The following TRDN variants were observed in gnomAD, a reference collection of about 807,000 sequenced individuals.
TRDN encodes triadin.
Under a neutral mutation model 149.7 loss-of-function variants are expected in TRDN, and 161 were observed. The observed-to-expected ratio is 1.08, with a 90% confidence interval of 0.95 to 1.23. The LOEUF (loss-of-function observed/expected upper bound fraction) is 1.23, where lower values mean the gene tolerates loss of function less well. Ranked by LOEUF, TRDN falls within the 50% of genes most tolerant of loss-of-function variation. The pLI is 0.00. For missense variants in TRDN, 896 were observed against 823.5 expected, an observed-to-expected ratio of 1.09 and a Z score of -1.08; for synonymous variants, 294 against 250.5, an observed-to-expected ratio of 1.17 and a Z score of -1.64.
intron 1 of TRDN, among the ~76,000 whole-genome samples, chr6:123,590,135 TCA>T (rs988238198): frequency 5.9e-5 from 9 of 152,116 alleles, no homozygotes; most frequent in African/African-American, 2.2e-4. Context: ...AGGAACCAGG[TCA>T]CACAGCAGGA....
At chr6:123,386,928 A>C (rs1192889534) in intron 14 of TRDN, among the ~76,000 whole-genome samples, 2 of 152,168 alleles carry the variant, frequency 1.3e-5, no homozygotes, top group Non-Finnish European at 2.9e-5. Flanking sequence ...TACTGTTGGA[A>C]TTGTTTAGGC....
chr6:123,352,525 T>G lies in TRDN; in HGVS notation c.1369+14A>C. ...CTAAAGAAGATAATGTCAACCTCCT[T>G]CATTTTTTTTTACCTTGCTCCACTG... On this transcript the variant is annotated intron_variant, in intron 21 of 40. Coordinates refer to ENST00000334268, the MANE Select transcript of TRDN (RefSeq NM_006073.4). 6.2e-7 allele frequency: 1 copy of G among 1,610,216 alleles called. No homozygotes were observed. Among genetic ancestry groups the G allele is most frequent in the Non-Finnish European group, 8.5e-7 (1 of 1,178,124 alleles).
At chr6:123,323,785 T>A (rs1779345506) in intron 23 of TRDN, among the ~76,000 whole-genome samples, 1 of 152,252 alleles carries the variant, frequency 6.6e-6, no homozygotes, top group Admixed American at 6.5e-5. Flanking sequence ...TTGTATATGC[T>A]AAATGCAATG....
intron 20 of TRDN, among the ~76,000 whole-genome samples, chr6:123,353,148 C>G (rs964886425): frequency 6.6e-6 from 1 of 151,780 alleles, no homozygotes; most frequent in Non-Finnish European, 1.5e-5. Flanking sequence ...CAGTAGTTGA[C>G]AGTCCAAAAG....
chr6:123,623,237 G>A (rs1184945725), intron 1 of TRDN, among the ~76,000 whole-genome samples: 3 of 151,866 alleles, frequency 2.0e-5, no homozygotes, highest in African/African-American at 7.3e-5. Flanking sequence ...TAACTGATTG[G>A]AGAAGCAAAA....
chr6:123,472,819 C>A (rs890974589), intron 9 of TRDN, among the ~76,000 whole-genome samples: 2 of 152,148 alleles, frequency 1.3e-5, no homozygotes, highest in African/African-American at 4.8e-5. Flanking sequence ...GGAGGCAACC[C>A]CCCAGCAGGG....
chr6:123,586,213 G>C (rs1421720230), intron 1 of TRDN, among the ~76,000 whole-genome samples: 1 of 152,124 alleles, frequency 6.6e-6, no homozygotes, highest in Non-Finnish European at 1.5e-5. Flanking sequence ...GTAAATTGCT[G>C]GGCAGGTGAG....
intron 1 of TRDN, among the ~76,000 whole-genome samples, chr6:123,588,705 C>G (rs548378649): frequency 1.7e-4 from 26 of 152,204 alleles, no homozygotes; most frequent in Middle Eastern, 3.4e-3. Flanking sequence ...CTCTTGAAGG[C>G]CCCTATCTAT....
chr6:123,587,388 G>C (rs545732163), intron 1 of TRDN, among the ~76,000 whole-genome samples: 1 of 152,072 alleles, frequency 6.6e-6, no homozygotes, highest in Non-Finnish European at 1.5e-5. Flanking sequence ...AGAGATTGAA[G>C]AGTGGAAAGG....
At chr6:123,244,107 T>C (rs1252084336) in intron 38 of TRDN, among the ~76,000 whole-genome samples, 1 of 151,894 alleles carries the variant, frequency 6.6e-6, no homozygotes, top group Non-Finnish European at 1.5e-5. Flanking sequence ...ACAACAAAGA[T>C]CAAAGTTAGA....
At chr6:123,394,259 G>A (rs1247063265) in intron 12 of TRDN, among the ~76,000 whole-genome samples, 2 of 151,632 alleles carry the variant, frequency 1.3e-5, no homozygotes, top group African/African-American at 2.4e-5. Context: ...TTTTTGCTAT[G>A]TTTTTCTCCT....
At chr6:123,437,612 G>C (rs140406629) in intron 12 of TRDN, among the ~76,000 whole-genome samples, 31 of 151,380 alleles carry the variant, frequency 2.0e-4, no homozygotes, top group Non-Finnish European at 3.2e-4. Flanking sequence ...CCATCCCTTT[G>C]AAATGTAATC....
intron 5 of TRDN, among the ~76,000 whole-genome samples, chr6:123,521,481 A>G (rs1008553417): frequency 4.6e-5 from 7 of 152,090 alleles, no homozygotes; most frequent in African/African-American, 1.4e-4. Context: ...TTCATCTACA[A>G]GGCCCCAAAG....
rs1233992136 is a variant in TRDN, at chr6:123,451,242, C to A, written c.932-12239G>T. Among the ~76,000 whole-genome samples, 4 of 151,520 alleles carry A rather than the reference C, an allele frequency of 2.6e-5. No homozygotes were observed. The East Asian group carries it at 5.8e-4, about 22-fold the overall frequency. ...AAACCCAGCAGAAGAAAGAAATAAC[C>A]AAGATCAGAGCAGAAATAAATAAAA... On this transcript the variant is annotated intron_variant, in intron 10 of 40. Transcript: ENST00000334268.
At chr6:123,521,188 G>T (rs1779663022) in intron 5 of TRDN, among the ~76,000 whole-genome samples, 1 of 151,962 alleles carries the variant, frequency 6.6e-6, no homozygotes, top group African/African-American at 2.4e-5. Context: ...TGTTTTTTGT[G>T]CATATGATAT....
At chr6:123,534,544 T>G (rs1780424734) in intron 4 of TRDN, among the ~76,000 whole-genome samples, 1 of 152,158 alleles carries the variant, frequency 6.6e-6, no homozygotes, top group Non-Finnish European at 1.5e-5. Flanking sequence ...AACATGTTAC[T>G]AATTTAGACT....
chr6:123,390,587 G>A (rs755177146), intron 13 of TRDN, among the ~76,000 whole-genome samples: 3 of 152,078 alleles, frequency 2.0e-5, no homozygotes, highest in Non-Finnish European at 4.4e-5. Flanking sequence ...CAACTGGAAA[G>A]CCATGTTATC....
chr6:123,571,279 G>A (rs1049999142), intron 1 of TRDN, 147 bp from the exon 2 acceptor site: 10 of 746,172 alleles, frequency 1.3e-5, no homozygotes, highest in Non-Finnish European at 1.9e-5. Flanking sequence ...AAGCCTCCCT[G>A]CCCACTAGCA....
At chr6:123,429,557 T>C (rs1034841131) in intron 12 of TRDN, among the ~76,000 whole-genome samples, 2 of 152,164 alleles carry the variant, frequency 1.3e-5, no homozygotes, top group Admixed American at 6.5e-5. Context: ...TCTGCATTAT[T>C]AAATATGTAT....
Sources: gnomAD v4.1 joint callset for allele counts (sites outside exome capture counted in the v4.1 genomes callset) on GRCh38, gnomAD v4.1.1 for gene constraint, MANE v1.5 for transcripts, NCBI Gene and HGNC (gene_info 2026-07-23, HGNC 2026-07-21) for gene names.